ZNF626: variants seen among roughly 807,000 people sequenced by gnomAD.
ZNF626 encodes the protein CTC-513N18.7.
Under a neutral mutation model 11.7 loss-of-function variants are expected in ZNF626, and 4 were observed. That is an observed-to-expected ratio of 0.34 (90% CI 0.17 to 0.78). The LOEUF (loss-of-function observed/expected upper bound fraction) is 0.78, where lower values mean the gene tolerates loss of function less well. ZNF626 is among the 30% of genes least tolerant of loss of function. ZNF626 has a pLI of 0.57. For synonymous variants in ZNF626, 179 were observed against 198.6 expected (o/e 0.90, Z 0.83); for missense variants, 588 against 587.1 (o/e 1.00, Z -0.01).
intron 3 of ZNF626, among the ~76,000 whole-genome samples, chr19:20,639,589 T>C (rs1460202974): frequency 1.3e-5 from 2 of 152,106 alleles, no homozygotes; most frequent in Non-Finnish European, 2.9e-5. Flanking sequence ...AAACCAACCA[T>C]TAAACAGACA....
chr19:20,646,206 T>G, intron 2 of ZNF626, 73 bp downstream of exon 2: 2 of 1,447,602 alleles, frequency 1.4e-6, no homozygotes, highest in South Asian at 3.0e-5. Context: ...AAGAATAAAT[T>G]ACTAAAAAAC....
intron 1 of ZNF626, among the ~76,000 whole-genome samples, chr19:20,650,157 C>T (rs1970130175): frequency 6.6e-6 from 1 of 151,764 alleles, no homozygotes; most frequent in Non-Finnish European, 1.5e-5. Context: ...ACCCTGGGAG[C>T]CGGTACTAAG....
chr19:20,640,460 T>A (rs1461789766), intron 3 of ZNF626, among the ~76,000 whole-genome samples: 14 of 151,312 alleles, frequency 9.3e-5, no homozygotes, highest in Non-Finnish European at 8.8e-5. Flanking sequence ...AGTAACAACA[T>A]CCCTTAGAAA....
At chr19:20,653,136 A>C (rs554356495) in intron 1 of ZNF626, among the ~76,000 whole-genome samples, 18 of 152,292 alleles carry the variant, frequency 1.2e-4, no homozygotes, top group African/African-American at 3.8e-4. Context: ...GTGTGAATTT[A>C]CTGGAAGCCT....
At chr19:20,645,400 A>C (rs1555771803) in intron 3 of ZNF626, 1 of 1,610,854 alleles carries the variant, frequency 6.2e-7, no homozygotes, top group Non-Finnish European at 8.5e-7. Flanking sequence ...AGTCTCTTAT[A>C]TGTCATGAAG....
chr19:20,631,621 T>G (rs1599475290), intron 3 of ZNF626, among the ~76,000 whole-genome samples: 1 of 148,302 alleles, frequency 6.7e-6, no homozygotes, highest in Admixed American at 6.8e-5. Flanking sequence ...CTGCCTTTTT[T>G]TTTGTTTTCC....
chr19:20,652,706 A>C (rs1970160529), intron 1 of ZNF626, among the ~76,000 whole-genome samples: 1 of 152,202 alleles, frequency 6.6e-6, no homozygotes, highest in African/African-American at 2.4e-5. Context: ...TGATAACTAA[A>C]AGGACTTGCA....
intron 3 of ZNF626, among the ~76,000 whole-genome samples, chr19:20,640,613 A>G (rs1970013923): frequency 6.6e-6 from 1 of 151,606 alleles, no homozygotes; most frequent in Non-Finnish European, 1.5e-5. Context: ...CAAATGAGAA[A>G]AAGCATTTGA....
intron 3 of ZNF626, among the ~76,000 whole-genome samples, chr19:20,629,400 C>T (rs1969877265): frequency 6.6e-6 from 1 of 152,154 alleles, no homozygotes; most frequent in South Asian, 2.1e-4. Flanking sequence ...GATATTGATT[C>T]TTCCTATTCA....
chr19:20,625,078 T>A lies in ZNF626; in HGVS notation c.799A>T (p.Met267Leu), dbSNP rs1411183091. Residue 267 changes from methionine to leucine, a missense_variant, in exon 4 of 4, where the codon ATG (methionine) becomes TTG (leucine). Coordinates refer to ENST00000601440, the MANE Select transcript of ZNF626 (RefSeq NM_001076675.3). Reference sequence around the variant, plus strand: ...TGTTTACTAAGGGTTGAGGATGACATAAAGGCTTTGCCACATTTATCACAC... The same window carrying A: ...TGTTTACTAAGGGTTGAGGATGACAAAAAGGCTTTGCCACATTTATCACAC... ...YKCDKCGKAF[M>L]SSSTLSKHEI... 1.2e-6 allele frequency: 2 copies of A among 1,613,622 alleles called. No individual in the cohort carries two copies. The highest frequency in any genetic ancestry group is 1.7e-6 in the Non-Finnish European group (2 of 1,179,852).
intron 1 of ZNF626, among the ~76,000 whole-genome samples, chr19:20,651,135 C>T (rs554816079): frequency 7.6e-4 from 112 of 146,684 alleles, no homozygotes; most frequent in Non-Finnish European, 1.5e-3. Context: ...TGTGGTGAGT[C>T]GAGATTGTGC....
At chr19:20,645,397 T>TA in intron 3 of ZNF626, 1 of 1,610,200 alleles carries the variant, frequency 6.2e-7, no homozygotes, top group Non-Finnish European at 8.5e-7. Flanking sequence ...TGCAGTCTCT[T>TA]ATATGTCATG....
rs1460587863 is a variant in ZNF626, at chr19:20,621,852, T to C, written c.*2438A>G. 1 of 152,174 alleles carries C rather than the reference T, an allele frequency of 6.6e-6. No individual in the cohort carries two copies. Among genetic ancestry groups the C allele is most frequent in the Non-Finnish European group, 1.5e-5 (1 of 68,030 alleles). The allele number at this position is 152,174 out of a possible 1,614,324, so 9.4% of individuals were successfully genotyped here. The stretch of plus-strand genomic sequence containing the variant: ...TAGGTTAAAGTTAGTGGCATAATAA[T>C]GCTTCATTAAATGCACAATAGTTTT... On this transcript the variant is annotated 3_prime_UTR_variant, in exon 4 of 4. Transcript: ENST00000601440.
Position 20,621,629 on chromosome 19 carries a change from A to G in ZNF626, c.*2661T>C, listed in dbSNP as rs782255709. 3.9e-4 allele frequency: 59 copies of G among 152,202 alleles called. No individual in the cohort carries two copies. Among genetic ancestry groups the G allele is most frequent in the African/African-American group, 1.3e-3 (54 of 41,444 alleles). 9.4% of individuals were successfully genotyped at this position (152,202 alleles called of 1,614,324 possible). A position where few individuals can be genotyped will look rare whatever the true frequency, so the allele number is the denominator to read the frequency against. ...GTATGCCTGAATCAAAATATTCTCT[A>G]TAAGACATATATACACATACTATAT... On this transcript the variant is annotated 3_prime_UTR_variant, in exon 4 of 4. Coordinates refer to ENST00000601440, the MANE Select transcript of ZNF626 (RefSeq NM_001076675.3).
intron 3 of ZNF626, among the ~76,000 whole-genome samples, chr19:20,627,600 T>G (rs1016665882): frequency 1.3e-5 from 2 of 151,894 alleles, no homozygotes; most frequent in Admixed American, 1.3e-4. Context: ...AGAAAACCAT[T>G]TAAATATATA....
intron 1 of ZNF626, among the ~76,000 whole-genome samples, chr19:20,654,036 A>G (rs1371034096): frequency 6.6e-6 from 1 of 152,204 alleles, no homozygotes; most frequent in Non-Finnish European, 1.5e-5. Context: ...ATATCTACTA[A>G]CTGTAACAAT....
intron 3 of ZNF626, among the ~76,000 whole-genome samples, chr19:20,633,326 A>G (rs1969929308): frequency 6.6e-6 from 1 of 152,178 alleles, no homozygotes; most frequent in Non-Finnish European, 1.5e-5. Context: ...AGAGAGGGAC[A>G]TTTAAGTCTG....
At position 20,627,447 on chromosome 19, in the gene ZNF626, CA is replaced by C. The variant is rs1969850705; in HGVS notation, c.227-1798del. On this transcript the variant is annotated intron_variant, in intron 3 of 3. Transcript: ENST00000601440. ...CTAAGAAAATATTTGTATGGATACA[CA>C]AAAGAAAATTTAAAAAATCCTGGAA... Among the ~76,000 whole-genome samples the C allele has an allele frequency of 2.7e-5, 4 of 150,588 alleles. No individual in the cohort carries two copies. The South Asian group carries it at 8.4e-4, about 32-fold the overall frequency.
At chr19:20,646,193 G>C in intron 2 of ZNF626, 86 bp downstream of exon 2, 1 of 1,389,138 alleles carries the variant, frequency 7.2e-7, no homozygotes, top group African/African-American at 1.5e-5. Context: ...ACTCTTTTAT[G>C]CAAAGAATAA....
Sources: gnomAD v4.1 joint callset for allele counts (sites outside exome capture counted in the v4.1 genomes callset) on GRCh38, gnomAD v4.1.1 for gene constraint, MANE v1.5 for transcripts, NCBI Gene and HGNC (gene_info 2026-07-23, HGNC 2026-07-21) for gene names.